AIG1: variants seen among roughly 807,000 people sequenced by gnomAD.
AIG1 encodes the protein androgen-induced gene 1 protein.
AIG1 carries 23 observed loss-of-function variants against 31.4 expected under a neutral mutation model. The observed-to-expected ratio is 0.73, with a 90% CI of 0.53 to 1.04. The LOEUF (loss-of-function observed/expected upper bound fraction) is 1.04. AIG1 is among the 50% of genes least tolerant of loss of function. The probability of loss-of-function intolerance (pLI) is 0.00; values close to 1 mark genes in which losing one functional copy is unlikely to be tolerated. For synonymous variants in AIG1, 100 were observed against 110.5 expected, an observed-to-expected ratio of 0.90 and a Z score of 0.60; for missense variants, 274 against 295.0, an observed-to-expected ratio of 0.93 and a Z score of 0.52.
At chr6:143,117,311 G>A (rs182482378) in intron 1 of AIG1, among the ~76,000 whole-genome samples, 1 of 152,242 alleles carries the variant, frequency 6.6e-6, no homozygotes, top group East Asian at 1.9e-4. Flanking sequence ...AAGATAGGAA[G>A]CCTTTGAAGG....
intron 3 of AIG1, among the ~76,000 whole-genome samples, chr6:143,254,965 G>A (rs1161662975): frequency 6.6e-6 from 1 of 152,154 alleles, no homozygotes; most frequent in East Asian, 1.9e-4. Flanking sequence ...TGAGCCCCAG[G>A]AGGTTAAGGC....
Position 143,298,119 on chromosome 6 carries a change from A to G in AIG1, c.515+13894A>G, listed in dbSNP as rs1246664926. Among the ~76,000 whole-genome samples the G allele has an allele frequency of 1.3e-5, 2 of 152,112 alleles. No individual in the cohort carries two copies. The highest frequency in any genetic ancestry group is 4.8e-5 in the African/African-American group (2 of 41,444). On this transcript the variant is annotated intron_variant, in intron 4 of 5. Transcript: ENST00000357847. The surrounding 1 kb of genome is among the most constrained non-coding windows in gnomAD (Gnocchi z 5.1). ...AAAATGGAGTCCTAGAGCCTGGGTTATGTACGTTTTCTACCTCTGCTGGAA... is the reference window on the plus strand; with the variant it reads ...AAAATGGAGTCCTAGAGCCTGGGTTGTGTACGTTTTCTACCTCTGCTGGAA...
intron 1 of AIG1, among the ~76,000 whole-genome samples, chr6:143,096,974 C>T (rs1293430051): frequency 6.6e-6 from 1 of 152,084 alleles, no homozygotes; most frequent in Non-Finnish European, 1.5e-5. Flanking sequence ...TATATTAGCA[C>T]AAATTAAACT....
chr6:143,290,106 C>T (rs949514050), intron 4 of AIG1, among the ~76,000 whole-genome samples: 10 of 151,994 alleles, frequency 6.6e-5, no homozygotes, highest in African/African-American at 1.7e-4. Flanking sequence ...ATGTTACTGG[C>T]GGCATATATG....
intron 1 of AIG1, among the ~76,000 whole-genome samples, chr6:143,087,369 G>A (rs1428256571): frequency 2.0e-5 from 3 of 152,214 alleles, no homozygotes; most frequent in Non-Finnish European, 4.4e-5. Context: ...ATTAGAAGCT[G>A]TGGGTCATGG....
chr6:143,197,172 A>G lies in AIG1; in HGVS notation c.399+31989A>G, dbSNP rs140019005. ...AAAGTTCAAATGTTTCTCGACACAA[A>G]AGTGCTTTTTTTTTTTTTCCTGTAG... On this transcript the variant is annotated intron_variant, in intron 3 of 5. Transcript: ENST00000357847. Among the ~76,000 whole-genome samples the G allele has an allele frequency of 7.3e-5, 11 of 151,462 alleles. 1 individual carries two copies. In the East Asian group the frequency reaches 2.1e-3, roughly 29 times the overall value.
intron 1 of AIG1, among the ~76,000 whole-genome samples, chr6:143,076,370 T>C (rs1360570864): frequency 6.6e-6 from 1 of 152,224 alleles, no homozygotes; most frequent in Non-Finnish European, 1.5e-5. Context: ...TTGTCTGATA[T>C]TAGTATAGCT....
Position 143,338,337 on chromosome 6 carries a change from T to C in AIG1, c.680-1302T>C, listed in dbSNP as rs1777663051. 1 of 244,004 alleles carries C rather than the reference T, an allele frequency of 4.1e-6. No homozygotes were observed. Among genetic ancestry groups the C allele is most frequent in the African/African-American group, 2.2e-5 (1 of 45,014 alleles). The allele number at this position is 244,004 out of a possible 1,614,324, so 15.1% of individuals were successfully genotyped here. On this transcript the variant is annotated intron_variant, in intron 5 of 5. Transcript: ENST00000357847. This position sits in a 1 kb window ranked among gnomAD's most constrained non-coding sequence, Gnocchi z 4.3. ...TGTCCTTACTCCTCAATTTGAAGTTTTCCTTCATAGGATTTCTGAGAAGGA... is the reference window on the plus strand; with the variant it reads ...TGTCCTTACTCCTCAATTTGAAGTTCTCCTTCATAGGATTTCTGAGAAGGA...
intron 1 of AIG1, among the ~76,000 whole-genome samples, chr6:143,075,506 ATGT>A (rs1777655843): frequency 6.6e-6 from 1 of 152,054 alleles, no homozygotes; most frequent in African/African-American, 2.4e-5. Flanking sequence ...GGGTTTTGCC[ATGT>A]TGCCCAGGTT....
intron 4 of AIG1, among the ~76,000 whole-genome samples, chr6:143,324,479 C>G (rs1776451761): frequency 6.6e-6 from 1 of 152,156 alleles, no homozygotes; most frequent in Non-Finnish European, 1.5e-5. Context: ...AAAAGAAAAG[C>G]TTTCCAGAGC....
intron 3 of AIG1, among the ~76,000 whole-genome samples, chr6:143,165,745 G>C (rs956614710): frequency 2.0e-5 from 3 of 151,972 alleles, no homozygotes; most frequent in African/African-American, 7.3e-5. Context: ...CTGTGGCTTT[G>C]AGGCCTTTTC....
intron 3 of AIG1, among the ~76,000 whole-genome samples, chr6:143,248,731 A>G (rs1260234904): frequency 6.6e-6 from 1 of 152,226 alleles, no homozygotes; most frequent in Non-Finnish European, 1.5e-5. Context: ...TTCATCCTCC[A>G]CTTCCTATCC....
At chr6:143,341,948 G>A (rs930249155), downstream of AIG1, among the ~76,000 whole-genome samples, 37 of 152,048 alleles carry the variant, frequency 2.4e-4, no homozygotes, top group Non-Finnish European at 4.3e-4. Context: ...TTTTTGAAAC[G>A]GAGTTTTGCT....
intron 3 of AIG1, among the ~76,000 whole-genome samples, chr6:143,219,349 G>A (rs1356670576): frequency 6.6e-6 from 1 of 152,082 alleles, no homozygotes; most frequent in African/African-American, 2.4e-5. Flanking sequence ...GCATGCCTGT[G>A]GTCCCAGCTA....
chr6:143,285,883 A>G (rs1271218668), intron 4 of AIG1, among the ~76,000 whole-genome samples: 2 of 152,194 alleles, frequency 1.3e-5, no homozygotes. Flanking sequence ...ATACATATGA[A>G]CTTATATTCA....
chr6:143,232,378 G>A (rs1459897656), intron 3 of AIG1, among the ~76,000 whole-genome samples: 1 of 152,158 alleles, frequency 6.6e-6, no homozygotes, highest in Non-Finnish European at 1.5e-5. Context: ...AGGCGGAGCA[G>A]CCCATGAAGT....
chr6:143,259,497 A>C (rs73594153), intron 3 of AIG1, among the ~76,000 whole-genome samples: 1,839 of 152,182 alleles, frequency 0.012, 24 homozygotes, highest in African/African-American at 0.042. Context: ...GGAGTCCTTC[A>C]AGGTTTTTTC....
chr6:143,280,710 G>A lies in AIG1; in HGVS notation c.400-3400G>A, dbSNP rs188746884. Among the ~76,000 whole-genome samples, 1 of 152,254 alleles carries A rather than the reference G, an allele frequency of 6.6e-6. No homozygotes were observed. The highest frequency in any genetic ancestry group is 1.9e-4 in the East Asian group (1 of 5,180). ...CACAAAGAAGGAAATAACAGACACT[G>A]GGGTCTACTTGAGGGGGAGGTTGGG... On this transcript the variant is annotated intron_variant, in intron 3 of 5. Coordinates refer to ENST00000357847, the MANE Select transcript of AIG1 (RefSeq NM_016108.4). This position sits in a 1 kb window ranked among gnomAD's most constrained non-coding sequence, Gnocchi z 4.1.
chr6:143,090,682 AT>A (rs1329499712), intron 1 of AIG1, among the ~76,000 whole-genome samples: 8 of 152,152 alleles, frequency 5.3e-5, no homozygotes, highest in Non-Finnish European at 1.0e-4. Context: ...AAAATACTTT[AT>A]TGCTAAAATA....
Sources: gnomAD v4.1 joint callset for allele counts (sites outside exome capture counted in the v4.1 genomes callset) on GRCh38, gnomAD v4.1.1 for gene constraint, Gnocchi (gnomAD v3.1) non-coding constraint, MANE v1.5 for transcripts, NCBI Gene and HGNC (gene_info 2026-07-23, HGNC 2026-07-21) for gene names.